Variants in CUL4B observed in about 807,000 individuals in gnomAD.
CUL4B encodes the protein cullin-4B.
In CUL4B, 1 loss-of-function variant was observed where a neutral mutation model predicts 69.2. The ratio of observed to expected loss-of-function variants is 0.01; its 90% CI spans 0.01 to 0.07. The LOEUF (loss-of-function observed/expected upper bound fraction) is 0.07. Among genes scored for constraint, CUL4B ranks in the 10% least tolerant of loss-of-function variants. CUL4B has a pLI of 1.00. For synonymous variants in CUL4B, 237 were observed against 223.2 expected, an observed-to-expected ratio of 1.06 and a Z score of -0.55; for missense variants, 328 against 638.8, an observed-to-expected ratio of 0.51 and a Z score of 5.24.
chrX:120,543,052 A>T lies in CUL4B; in HGVS notation c.1257-19T>A. 9.2e-7 allele frequency: 1 copy of T among 1,082,384 alleles called. No individual in the cohort carries two copies. Among genetic ancestry groups the T allele is most frequent in the South Asian group, 1.9e-5 (1 of 52,450 alleles). 89.2% of individuals were successfully genotyped at this position (1,082,384 alleles called of 1,213,427 possible). On this transcript the variant is annotated intron_variant, in intron 8 of 19. Transcript: ENST00000371322. ...TGACTTCCTACAAGGAAAAAAAAAA[A>T]GGTTAGTATTATTGACGTTTGACTT... is the stretch of plus-strand genomic sequence containing the variant.
Position 120,541,620 on chromosome X carries a change from C to T in CUL4B, c.1425G>A (p.Gln475=), listed in dbSNP as rs1602577187. ...VRGGVQVLLQ[Q]WIEYIKAFGS... Reference sequence around the variant, plus strand: ...TTAATACCTTGATATATTCGATCCACTGCTGCAAAAGAACCTGAACTCCAC... The same window carrying T: ...TTAATACCTTGATATATTCGATCCATTGCTGCAAAAGAACCTGAACTCCAC... The change falls in exon 10 of 20, where the codon CAG becomes CAA. Residue 475 remains glutamine, a synonymous_variant. Coordinates refer to ENST00000371322, the MANE Select transcript of CUL4B (RefSeq NM_001079872.2). 8.4e-7 allele frequency: 1 copy of T among 1,194,042 alleles called. No individual in the cohort carries two copies. Among genetic ancestry groups the T allele is most frequent in the East Asian group, 3.0e-5 (1 of 33,715 alleles).
chrX:120,532,204 C>A, intron 18 of CUL4B: 1 of 348,934 alleles, frequency 2.9e-6, no homozygotes, highest in Non-Finnish European at 5.0e-6. Context: ...ACTAAATAAA[C>A]AAAGTAAGAT....
At chrX:120,555,685 T>C (rs1338339229) in intron 2 of CUL4B, among the ~76,000 whole-genome samples, 1 of 110,331 alleles carries the variant, frequency 9.1e-6, no homozygotes, top group Non-Finnish European at 1.9e-5. Context: ...CTCACACCTG[T>C]AATCCCAGCA....
chrX:120,526,976 A>G, intron 19 of CUL4B, 120 bp from the exon 20 acceptor site: 2 of 354,937 alleles, frequency 5.6e-6, no homozygotes, highest in Non-Finnish European at 9.9e-6. Flanking sequence ...CTTTTTTAAA[A>G]TTTTTATTTA....
chrX:120,542,921 A>G, intron 9 of CUL4B, 45 bp downstream of exon 9: 1 of 966,568 alleles, frequency 1.0e-6, no homozygotes, highest in Non-Finnish European at 1.5e-6. Context: ...CTAGTTTGCC[A>G]CTACCATTTA....
chrX:120,561,106 C>A, upstream of CUL4B: 10 of 1,025,511 alleles, frequency 9.8e-6, no homozygotes, highest in Non-Finnish European at 1.2e-5. Flanking sequence ...TCCGGTCACG[C>A]GGCGCCGAGG....
intron 9 of CUL4B, 132 bp from the exon 10 acceptor site, chrX:120,541,852 G>A: frequency 4.1e-6 from 2 of 489,266 alleles, no homozygotes; most frequent in East Asian, 7.2e-5. Context: ...GTCTGTATGT[G>A]AGTTGTAATG....
chrX:120,533,034 C>T (rs1923420693), intron 17 of CUL4B, among the ~76,000 whole-genome samples: 1 of 112,524 alleles, frequency 8.9e-6, no homozygotes, highest in South Asian at 3.7e-4. Context: ...ACTGTAGTTA[C>T]GTCCAAAATT....
rs1172227126 is a variant in CUL4B, at chrX:120,541,648, C to T, written c.1397G>A (p.Arg466Gln). ...SLLYQLFSRV[R>Q]GGVQVLLQQW... ...CTGCAAAAGAACCTGAACTCCACCTCGAACTCTACTGAAGAGCTGATACAG... is the reference window on the plus strand; with the variant it reads ...CTGCAAAAGAACCTGAACTCCACCTTGAACTCTACTGAAGAGCTGATACAG... Residue 466 changes from arginine (R) to glutamine (Q), a missense_variant, in exon 10 of 20, where the codon CGA becomes CAA. Arg to Gln is a conservative substitution (Grantham distance 43, BLOSUM62 1). Around this residue, in one of 4 missense-constraint regions of CUL4B, gnomAD observed 126 missense variants for 202.5 expected, o/e 0.62. Transcript: ENST00000371322. 1.7e-6 allele frequency: 2 copies of T among 1,209,060 alleles called. No homozygotes were observed. The highest frequency in any genetic ancestry group is 2.2e-6 in the Non-Finnish European group (2 of 893,152).
intron 1 of CUL4B, among the ~76,000 whole-genome samples, chrX:120,559,475 T>C (rs770072922): frequency 1.1e-3 from 122 of 112,544 alleles, no homozygotes; most frequent in African/African-American, 3.9e-3. Context: ...ATCTTTAGAC[T>C]AGTGGTACAC....
chrX:120,562,339 C>G (rs1203025795), upstream of CUL4B, among the ~76,000 whole-genome samples: 1 of 112,082 alleles, frequency 8.9e-6, no homozygotes, highest in East Asian at 2.8e-4. Context: ...AACAATAAAC[C>G]TTGTAAATTC....
At chrX:120,555,575 T>G (rs941999551) in intron 2 of CUL4B, among the ~76,000 whole-genome samples, 1 of 110,540 alleles carries the variant, frequency 9.0e-6, no homozygotes, top group Non-Finnish European at 1.9e-5. Flanking sequence ...TCAGTTTGAG[T>G]TGCCCCTGCT....
chrX:120,538,005 C>A, intron 14 of CUL4B, 119 bp downstream of exon 14: 1 of 523,351 alleles, frequency 1.9e-6, no homozygotes, highest in Non-Finnish European at 3.2e-6. Context: ...TGAATATCAC[C>A]TCAGTTGCCA....
intron 2 of CUL4B, among the ~76,000 whole-genome samples, chrX:120,553,122 A>G (rs1419996976): frequency 8.9e-6 from 1 of 112,300 alleles, no homozygotes; most frequent in Non-Finnish European, 1.9e-5. Flanking sequence ...TTTCAAAATA[A>G]CAAAGAGTAG....
chrX:120,563,326 C>T (rs922349153), upstream of CUL4B, among the ~76,000 whole-genome samples: 7 of 112,020 alleles, frequency 6.2e-5, no homozygotes, highest in Non-Finnish European at 1.1e-4. Context: ...CTCTGCCTCC[C>T]GGGTTCAAGC....
intron 19 of CUL4B, among the ~76,000 whole-genome samples, chrX:120,528,442 C>T (rs1242838870): frequency 1.0e-5 from 1 of 100,147 alleles, no homozygotes; most frequent in Non-Finnish European, 2.0e-5. Context: ...TAAAAGAATA[C>T]TGGACAGGTG....
chrX:120,565,693 A>C (rs1474075035), upstream of CUL4B, among the ~76,000 whole-genome samples: 4 of 99,290 alleles, frequency 4.0e-5, no homozygotes, highest in Non-Finnish European at 8.0e-5. Flanking sequence ...AAAAAAAAAA[A>C]AACTGCTAGG....
downstream of CUL4B, among the ~76,000 whole-genome samples, chrX:120,567,665 A>T (rs868746449): frequency 2.9e-5 from 3 of 104,505 alleles, no homozygotes; most frequent in Non-Finnish European, 3.9e-5. Flanking sequence ...TATTGCTTGA[A>T]GCCAGGAGTT....
chrX:120,536,057 T>TG (rs1377128529), intron 15 of CUL4B, 114 bp from the exon 16 acceptor site: 1 of 525,328 alleles, frequency 1.9e-6, no homozygotes, highest in African/African-American at 2.3e-5. Flanking sequence ...CTATATCCAG[T>TG]AGGTCCACCA....
Sources: allele counts gnomAD v4.1 joint callset (sites outside exome capture counted in the v4.1 genomes callset), GRCh38; gene constraint gnomAD v4.1.1; regional missense constraint gnomAD v4.1.1; transcripts MANE v1.5; gene names NCBI Gene and HGNC (gene_info 2026-07-23, HGNC 2026-07-21).